Variants in PPP2R5E observed in about 807,000 individuals in gnomAD.
PPP2R5E encodes serine/threonine-protein phosphatase 2A 56 kDa regulatory subunit epsilon isoform.
In PPP2R5E, 4 loss-of-function variants were observed where a neutral mutation model predicts 65.3. The observed-to-expected ratio is 0.06, with a 90% CI of 0.03 to 0.14. PPP2R5E has a LOEUF of 0.14. PPP2R5E is among the 10% of genes least tolerant of loss of function. The pLI, the probability that PPP2R5E is intolerant of heterozygous loss-of-function variation, is 1.00. For missense variants in PPP2R5E, 274 were observed against 556.1 expected (o/e 0.49, Z 5.10); for synonymous variants, 183 against 187.4 (o/e 0.98, Z 0.19).
At chr14:63,420,230 G>C (rs1032359705) in intron 4 of PPP2R5E, among the ~76,000 whole-genome samples, 6 of 152,156 alleles carry the variant, frequency 3.9e-5, no homozygotes, top group Admixed American at 2.0e-4. Context: ...TAAGATGTGA[G>C]ACTACTGAGG....
intron 3 of PPP2R5E, chr14:63,452,371 A>C (rs1190889468): frequency 6.6e-6 from 1 of 152,210 alleles, no homozygotes; most frequent in Non-Finnish European, 1.5e-5. Flanking sequence ...CTGGGGCCAG[A>C]TAATTCTTTA....
chr14:63,376,536 T>C (rs1241827168), intron 13 of PPP2R5E, among the ~76,000 whole-genome samples: 1 of 152,222 alleles, frequency 6.6e-6, no homozygotes, highest in African/African-American at 2.4e-5. Flanking sequence ...TGGTTGATAT[T>C]ATTAAGTATT....
chr14:63,378,575 C>A (rs944798492), intron 13 of PPP2R5E, among the ~76,000 whole-genome samples: 1 of 152,242 alleles, frequency 6.6e-6, no homozygotes, highest in East Asian at 1.9e-4. Flanking sequence ...AGTTATCACA[C>A]GGCTTTCATA....
At chr14:63,540,513 G>A (rs1235129925) in intron 1 of PPP2R5E, among the ~76,000 whole-genome samples, 62 of 148,384 alleles carry the variant, frequency 4.2e-4, no homozygotes, top group Non-Finnish European at 7.7e-4. Flanking sequence ...TTGGGAGTTC[G>A]AGACCAGCCT....
intron 2 of PPP2R5E, among the ~76,000 whole-genome samples, chr14:63,500,767 G>A (rs557035413): frequency 1.3e-5 from 2 of 152,210 alleles, no homozygotes; most frequent in Admixed American, 1.3e-4. Context: ...TCAGGAGGCT[G>A]AGGCAGGAGG....
intron 11 of PPP2R5E, among the ~76,000 whole-genome samples, chr14:63,386,522 G>A (rs1021336082): frequency 6.6e-6 from 1 of 152,178 alleles, no homozygotes; most frequent in Non-Finnish European, 1.5e-5. Flanking sequence ...AATGTAAACT[G>A]TGACAGATGC....
At chr14:63,487,947 A>G (rs575831166) in intron 2 of PPP2R5E, among the ~76,000 whole-genome samples, 333 of 152,296 alleles carry the variant, frequency 2.2e-3, no homozygotes, top group African/African-American at 6.8e-3. Context: ...CATGGTCTCA[A>G]CTGCTTCCTT....
intron 2 of PPP2R5E, among the ~76,000 whole-genome samples, chr14:63,519,519 T>A (rs1192020108): frequency 6.7e-6 from 1 of 149,860 alleles, no homozygotes; most frequent in Non-Finnish European, 1.5e-5. Context: ...TTTTTTTTTT[T>A]TTTTTTGTAT....
At chr14:63,518,274 C>T (rs1351741571) in intron 2 of PPP2R5E, among the ~76,000 whole-genome samples, 2 of 152,150 alleles carry the variant, frequency 1.3e-5, no homozygotes, top group African/African-American at 2.4e-5. Flanking sequence ...ATTGGTCTCA[C>T]TCTGTCACCC....
intron 2 of PPP2R5E, among the ~76,000 whole-genome samples, chr14:63,455,661 A>T (rs1378732326): frequency 6.6e-6 from 1 of 152,184 alleles, no homozygotes; most frequent in Non-Finnish European, 1.5e-5. Flanking sequence ...TAAAATAAAT[A>T]AATAAAAATG....
intron 2 of PPP2R5E, among the ~76,000 whole-genome samples, chr14:63,502,544 C>G (rs899474157): frequency 1.3e-5 from 2 of 151,880 alleles, no homozygotes; most frequent in African/African-American, 4.8e-5. Context: ...GTGTGTGCCT[C>G]TAATCCCAGC....
At chr14:63,429,696 T>G (rs556276959) in intron 3 of PPP2R5E, among the ~76,000 whole-genome samples, 36 of 148,992 alleles carry the variant, frequency 2.4e-4, no homozygotes, top group South Asian at 4.1e-4. Context: ...TTTGTTTTTT[T>G]TTTTGAGACA....
chr14:63,488,104 C>A (rs2064953), intron 2 of PPP2R5E, among the ~76,000 whole-genome samples: 49,552 of 152,006 alleles, frequency 0.33, 10,680 homozygotes, highest in African/African-American at 0.62. Context: ...CCCATCTCAC[C>A]CACACACCTA....
At chr14:63,493,196 T>C (rs1384237874) in intron 2 of PPP2R5E, among the ~76,000 whole-genome samples, 3 of 151,468 alleles carry the variant, frequency 2.0e-5, no homozygotes, top group Non-Finnish European at 4.4e-5. Flanking sequence ...AACTCTTTTT[T>C]GGTTTGGTGG....
intron 10 of PPP2R5E, 72 bp downstream of exon 10, chr14:63,391,745 G>C: frequency 6.6e-7 from 1 of 1,513,716 alleles, no homozygotes; most frequent in Non-Finnish European, 9.2e-7. Context: ...TTTTATACAT[G>C]CTTAGCCCAA....
In PPP2R5E at chr14:63,372,507, A is replaced by G. The variant is rs1406087780; in HGVS notation, c.*3502T>C. Reference sequence around the variant, plus strand: ...TATGATAACATTGGTAATAGCATCAAAAGAGAATCTCTTCATTTCCTGGGC... The same window carrying G: ...TATGATAACATTGGTAATAGCATCAGAAGAGAATCTCTTCATTTCCTGGGC... On this transcript the variant is annotated 3_prime_UTR_variant, in exon 14 of 14. Coordinates refer to ENST00000337537, the MANE Select transcript of PPP2R5E (RefSeq NM_006246.5). 1 of 152,104 alleles carries G rather than the reference A, an allele frequency of 6.6e-6. No individual in the cohort carries two copies. The highest frequency in any genetic ancestry group is 1.5e-5 in the Non-Finnish European group (1 of 68,004). The allele number at this position is 152,104 out of a possible 1,614,324, so 9.4% of individuals were successfully genotyped here.
Position 63,469,012 on chromosome 14 carries a change from T to C in PPP2R5E, c.158-15127A>G, listed in dbSNP as rs141585494. On this transcript the variant is annotated intron_variant, in intron 2 of 13. Transcript: ENST00000337537. ...GTTCAGACTAAGTCTGGAAGGGATA[T>C]GATAGGTGGTTTCAACCTTCCCACA... Among the ~76,000 whole-genome samples the C allele has an allele frequency of 4.5e-3, 681 of 152,336 alleles. 8 individuals carry two copies. The highest frequency in any genetic ancestry group is 0.016 in the African/African-American group (651 of 41,572).
At chr14:63,438,962 C>T (rs1888073926) in intron 3 of PPP2R5E, among the ~76,000 whole-genome samples, 1 of 150,754 alleles carries the variant, frequency 6.6e-6, no homozygotes, top group African/African-American at 2.4e-5. Flanking sequence ...AACACAGGGG[C>T]ATATGCAGTT....
rs748156972 is a variant in PPP2R5E at position 63,422,098 on chromosome 14, A to C, written c.355-4T>G. 4.2e-5 allele frequency: 68 copies of C among 1,604,740 alleles called. No homozygotes were observed. Among genetic ancestry groups the C allele is most frequent in the Non-Finnish European group, 5.8e-5 (68 of 1,171,704 alleles). ...TTCTGAATATATTGCAAGATACCTAAAAATAAACAAGCAGCAGAGTTAACG... is the reference window on the plus strand; with the variant it reads ...TTCTGAATATATTGCAAGATACCTACAAATAAACAAGCAGCAGAGTTAACG... On this transcript the variant is annotated splice_polypyrimidine_tract_variant and splice_region_variant and intron_variant, in intron 3 of 13. Coordinates refer to ENST00000337537, the MANE Select transcript of PPP2R5E (RefSeq NM_006246.5).
Sources: gnomAD v4.1 joint callset for allele counts (sites outside exome capture counted in the v4.1 genomes callset) on GRCh38, gnomAD v4.1.1 for gene constraint, MANE v1.5 for transcripts, NCBI Gene and HGNC (gene_info 2026-07-23, HGNC 2026-07-21) for gene names.